BTBD9: variants seen among roughly 807,000 people sequenced by gnomAD.
The protein encoded by BTBD9 is BTB domain containing 9, also known as BTB/POZ domain-containing protein 9.
A neutral mutation model predicts 64.3 loss-of-function variants in BTBD9; 49 were observed. The observed-to-expected ratio is 0.76, with a 90% CI of 0.61 to 0.97. The LOEUF is 0.97. Among genes scored for constraint, BTBD9 ranks in the 50% least tolerant of loss-of-function variants. BTBD9 has a pLI of 0.00. For missense variants in BTBD9, 598 were observed against 762.1 expected (o/e 0.78, Z 2.53); for synonymous variants, 260 against 274.7 (o/e 0.95, Z 0.53).
intron 6 of BTBD9, among the ~76,000 whole-genome samples, chr6:38,540,039 C>T (rs979915554): frequency 1.3e-5 from 2 of 152,074 alleles, no homozygotes; most frequent in Admixed American, 6.6e-5. Context: ...TTTATCAGTA[C>T]CTAAAATGAA....
intron 6 of BTBD9, among the ~76,000 whole-genome samples, chr6:38,369,115 C>T (rs1051657911): frequency 1.3e-5 from 2 of 152,160 alleles, no homozygotes; most frequent in African/African-American, 4.8e-5. Flanking sequence ...TTCCCACTGT[C>T]TTAACTTAAT....
At chr6:38,587,593 T>C (rs1213435141) in intron 4 of BTBD9, 1 of 574,814 alleles carries the variant, frequency 1.7e-6, no homozygotes, top group Non-Finnish European at 3.3e-6. Context: ...ATTGACATTA[T>C]TTGTTAATGG....
At chr6:38,280,514 C>T (rs1007410628) in intron 8 of BTBD9, among the ~76,000 whole-genome samples, 2 of 152,230 alleles carry the variant, frequency 1.3e-5, no homozygotes, top group Middle Eastern at 6.8e-3. Flanking sequence ...AATCTTAATC[C>T]AAGCCAGAAG....
At position 38,397,949 on chromosome 6, in the gene BTBD9, C is replaced by T. The variant is rs189737801; in HGVS notation, c.1155-52856G>A. 3.2e-3 allele frequency among the ~76,000 whole-genome samples: 493 copies of T among 152,162 alleles called. 4 individuals are homozygous for T. Among genetic ancestry groups the T allele is most frequent in the African/African-American group, 0.012 (481 of 41,490 alleles). On this transcript the variant is annotated intron_variant, in intron 6 of 10. Coordinates refer to ENST00000481247, the MANE Select transcript of BTBD9 (RefSeq NM_001099272.2). ...CAGGTTTACCGAAGGAGCAGGAGTG[C>T]GGTACTATTGGAATATATAATAGAG...
At chr6:38,182,978 CT>C (rs1192327803) in intron 10 of BTBD9, among the ~76,000 whole-genome samples, 1 of 109,292 alleles carries the variant, frequency 9.1e-6, no homozygotes, top group Non-Finnish European at 2.2e-5. Context: ...CACAAAAGGT[CT>C]TCTTTTTTTT....
rs566240263 is a variant in BTBD9 at position 38,556,846 on chromosome 6, G to A, written c.1154+20754C>T. 8.0e-5 allele frequency among the ~76,000 whole-genome samples: 12 copies of A among 150,306 alleles called. No individual in the cohort carries two copies. In the Middle Eastern group the frequency reaches 0.01, roughly 128 times the overall value. The stretch of plus-strand genomic sequence containing the variant: ...AGCCTGACCAACATGGTGAAAACCC[G>A]TCTCTACTAAAAATACAAAAATTAG... On this transcript the variant is annotated intron_variant, in intron 6 of 10. Coordinates refer to ENST00000481247, the MANE Select transcript of BTBD9 (RefSeq NM_001099272.2).
intron 1 of BTBD9, among the ~76,000 whole-genome samples, chr6:38,604,546 A>G (rs1031559608): frequency 3.3e-5 from 5 of 152,220 alleles, no homozygotes; most frequent in African/African-American, 9.6e-5. Context: ...CTACTTTTGA[A>G]GAACTCATTG....
chr6:38,564,355 A>G (rs1448713034), intron 6 of BTBD9, among the ~76,000 whole-genome samples: 1 of 152,216 alleles, frequency 6.6e-6, no homozygotes, highest in Non-Finnish European at 1.5e-5. Context: ...CCTGCCATGT[A>G]GCAGGCACTC....
At chr6:38,204,490 A>G (rs1762569698) in intron 9 of BTBD9, among the ~76,000 whole-genome samples, 1 of 152,212 alleles carries the variant, frequency 6.6e-6, no homozygotes, top group South Asian at 2.1e-4. Context: ...ATTTATATGA[A>G]ATGTATAGAA....
chr6:38,625,142 C>T (rs1261324485), intron 1 of BTBD9, among the ~76,000 whole-genome samples: 1 of 152,028 alleles, frequency 6.6e-6, no homozygotes, highest in Non-Finnish European at 1.5e-5. Context: ...TTTCCCAACT[C>T]ACATTTTTCA....
intron 7 of BTBD9, among the ~76,000 whole-genome samples, chr6:38,306,690 A>C (rs1404052855): frequency 1.3e-5 from 2 of 152,220 alleles, no homozygotes; most frequent in Non-Finnish European, 2.9e-5. Context: ...GTATTACTTC[A>C]GTAGGACATG....
intron 6 of BTBD9, among the ~76,000 whole-genome samples, chr6:38,368,038 T>C (rs1169806014): frequency 6.6e-6 from 1 of 152,164 alleles, no homozygotes; most frequent in African/African-American, 2.4e-5. Flanking sequence ...TCTTAGCTTT[T>C]AGACACTAAC....
At chr6:38,336,339 C>T (rs887347980) in intron 7 of BTBD9, among the ~76,000 whole-genome samples, 2 of 152,120 alleles carry the variant, frequency 1.3e-5, no homozygotes, top group Admixed American at 1.3e-4. Flanking sequence ...TGAAGAAATA[C>T]CCGAGACTGA....
rs536580725 is a variant in BTBD9 at position 38,409,627 on chromosome 6, A to T, written c.1155-64534T>A. On this transcript the variant is annotated intron_variant, in intron 6 of 10. Coordinates refer to ENST00000481247, the MANE Select transcript of BTBD9 (RefSeq NM_001099272.2). ...ATCACCAGGTCAGGAGATTGAGACC[A>T]TCCTGGCTAACACAGTGAAACCCTG... Among the ~76,000 whole-genome samples the T allele has an allele frequency of 2.0e-5, 3 of 152,158 alleles. No homozygotes were observed. The East Asian group carries it at 5.8e-4, about 29-fold the overall frequency.
At chr6:38,571,147 C>T (rs1250335801) in intron 6 of BTBD9, among the ~76,000 whole-genome samples, 1 of 152,168 alleles carries the variant, frequency 6.6e-6, no homozygotes, top group Non-Finnish European at 1.5e-5. Flanking sequence ...CTGAATAAGG[C>T]ATTTCTTGAA....
At chr6:38,577,785 TA>T in intron 5 of BTBD9, 66 bp from the exon 6 acceptor site, 1 of 1,418,500 alleles carries the variant, frequency 7.0e-7, no homozygotes, top group South Asian at 1.3e-5. Flanking sequence ...AGCTGTACTT[TA>T]ATAAAGTGTT....
intron 4 of BTBD9, among the ~76,000 whole-genome samples, chr6:38,582,733 C>G (rs1443467125): frequency 1.3e-5 from 2 of 152,190 alleles, no homozygotes; most frequent in Admixed American, 6.5e-5. Flanking sequence ...CATTCACCCC[C>G]CTTGAGTAAG....
chr6:38,565,550 TCAA>T (rs1038796142), intron 6 of BTBD9, among the ~76,000 whole-genome samples: 17 of 150,918 alleles, frequency 1.1e-4, no homozygotes, highest in Non-Finnish European at 1.6e-4. Flanking sequence ...GTGATATCTA[TCAA>T]CAACAAGTGC....
chr6:38,406,965 A>G (rs1214741791), intron 6 of BTBD9, among the ~76,000 whole-genome samples: 2 of 152,216 alleles, frequency 1.3e-5, no homozygotes, highest in Admixed American at 6.5e-5. Flanking sequence ...CATGGTAAGT[A>G]GCAGAACCAG....
Sources: gnomAD v4.1 joint callset for allele counts (sites outside exome capture counted in the v4.1 genomes callset) on GRCh38, gnomAD v4.1.1 for gene constraint, MANE v1.5 for transcripts, NCBI Gene and HGNC (gene_info 2026-07-23, HGNC 2026-07-21) for gene names.